DDX60: variants seen among roughly 807,000 people sequenced by gnomAD.
DDX60 encodes the protein DExD/H-box helicase 60.
A neutral mutation model predicts 212.8 loss-of-function variants in DDX60; 165 were observed. That is an observed-to-expected ratio of 0.78 (90% confidence interval 0.68 to 0.88). The LOEUF (loss-of-function observed/expected upper bound fraction) is 0.88. Among genes scored for constraint, DDX60 ranks in the 40% least tolerant of loss-of-function variants. The pLI is 0.00. For missense variants in DDX60, 1,905 were observed against 2,003.9 expected, an observed-to-expected ratio of 0.95 and a Z score of 0.94; for synonymous variants, 703 against 685.3, an observed-to-expected ratio of 1.03 and a Z score of -0.40.
chr4:168,246,681 G>A, intron 29 of DDX60, 63 bp from the exon 30 acceptor site: 3 of 1,542,276 alleles, frequency 1.9e-6, no homozygotes, highest in Non-Finnish European at 2.7e-6. Flanking sequence ...CATAGTGTAA[G>A]AATGAGCCCT....
intron 6 of DDX60, among the ~76,000 whole-genome samples, chr4:168,296,229 T>C (rs545823484): frequency 1.3e-5 from 2 of 152,288 alleles, no homozygotes; most frequent in South Asian, 4.1e-4. Context: ...TGTATACATA[T>C]ATCAAAACAA....
chr4:168,325,975 C>T, the DDX60 span, among the ~76,000 whole-genome samples: 1 of 152,196 alleles, frequency 6.6e-6, no homozygotes, highest in Non-Finnish European at 1.5e-5. Flanking sequence ...CATAGCTGTC[C>T]AGCGGTGACC....
Position 168,298,310 on chromosome 4 carries a change from A to G in DDX60, c.723+3990T>C, listed in dbSNP as rs1174099815. On this transcript the variant is annotated intron_variant, in intron 6 of 37. Transcript: ENST00000393743. Reference sequence around the variant, plus strand: ...GTGAGACTTACCTATAAAAGAAAAAATAATTTCAACTTGCACCACATTCCA... The same window carrying G: ...GTGAGACTTACCTATAAAAGAAAAAGTAATTTCAACTTGCACCACATTCCA... Among the ~76,000 whole-genome samples the G allele has an allele frequency of 3.9e-5, 6 of 152,306 alleles. No individual in the cohort carries two copies. The South Asian group carries it at 8.3e-4, about 21-fold the overall frequency.
rs761382805 is a variant in DDX60 at position 168,237,259 on chromosome 4, C to CAT, written c.4411+25_4411+26dup. ...TTGCTATTTTTGGACTCTCTCTCTACATATATATATAAAATCTCAAGCTTA... is the reference window on the plus strand; with the variant it reads ...TTGCTATTTTTGGACTCTCTCTCTACATATATATATATAAAATCTCAAGCTTA... On this transcript the variant is annotated intron_variant, in intron 32 of 37. Coordinates refer to ENST00000393743, the MANE Select transcript of DDX60 (RefSeq NM_017631.6). 19 of 1,470,080 alleles carry CAT rather than the reference C, an allele frequency of 1.3e-5. 1 individual carries two copies. The highest frequency in any genetic ancestry group is 3.6e-4 in the Middle Eastern group (2 of 5,594). 91.1% of individuals were successfully genotyped at this position (1,470,080 alleles called of 1,614,324 possible). A position where few individuals can be genotyped will look rare whatever the true frequency, so the allele number is the denominator to read the frequency against.
At chr4:168,232,490 C>G (rs1733488877) in intron 33 of DDX60, among the ~76,000 whole-genome samples, 1 of 152,034 alleles carries the variant, frequency 6.6e-6, no homozygotes, top group Non-Finnish European at 1.5e-5. Context: ...ACCAAAACCA[C>G]AAGGTCCTGG....
chr4:168,302,226 C>G (rs1053467113), intron 6 of DDX60, 74 bp downstream of exon 6: 1 of 611,858 alleles, frequency 1.6e-6, no homozygotes, highest in African/African-American at 1.9e-5. Flanking sequence ...CATGAGAACT[C>G]TGTATGATTT....
chr4:168,270,324 C>A (rs1735034627), intron 19 of DDX60, among the ~76,000 whole-genome samples: 2 of 152,220 alleles, frequency 1.3e-5, no homozygotes, highest in African/African-American at 4.8e-5. Flanking sequence ...AAAAGACTTA[C>A]TATCAAAGTC....
intron 26 of DDX60, among the ~76,000 whole-genome samples, chr4:168,253,532 C>A (rs1560829575): frequency 6.6e-6 from 1 of 152,132 alleles, no homozygotes. Flanking sequence ...TGGGAAATAG[C>A]CCACACCCAA....
At chr4:168,285,284 A>C in intron 11 of DDX60, 109 bp downstream of exon 11, 1 of 709,826 alleles carries the variant, frequency 1.4e-6, no homozygotes, top group South Asian at 1.8e-5. Context: ...TATTACAAAC[A>C]CATACTACAT....
intron 33 of DDX60, among the ~76,000 whole-genome samples, chr4:168,229,678 A>G (rs1733378528): frequency 6.6e-6 from 1 of 151,916 alleles, no homozygotes; most frequent in Non-Finnish European, 1.5e-5. Context: ...GCTATTGGGG[A>G]GTGGGGGACA....
At chr4:168,275,273 C>A in intron 16 of DDX60, 72 bp downstream of exon 16, 1 of 1,343,564 alleles carries the variant, frequency 7.4e-7, no homozygotes. Flanking sequence ...TGTACAGCCA[C>A]AATAATGAGA....
At chr4:168,317,197 T>TAC (rs914416442) in intron 1 of DDX60, among the ~76,000 whole-genome samples, 25 of 149,632 alleles carry the variant, frequency 1.7e-4, no homozygotes, top group South Asian at 8.4e-4. Flanking sequence ...TTAGGACACA[T>TAC]ACACACACAC....
Position 168,280,351 on chromosome 4 carries a change from A to G in DDX60, c.1962T>C (p.His654=), listed in dbSNP as rs79108984. ...ATTACATACCTTCTTCACTTCGGCA[A>G]TGTTCTTTCCAGGCTTTCAAGCAAG... ...LTACLKAWKE[H]CRSEEGKTTK... is the part of the protein sequence containing the mutation. Residue 654 remains histidine (H), a synonymous_variant, in exon 14 of 38, where the codon CAT becomes CAC. Transcript: ENST00000393743. The G allele has an allele frequency of 9.6e-3, 15,398 of 1,611,936 alleles. 180 individuals carry two copies. Among genetic ancestry groups the G allele is most frequent in the Admixed American group, 0.033 (1,960 of 59,556 alleles).
At chr4:168,324,567 G>A in the DDX60 span, among the ~76,000 whole-genome samples, 1 of 152,190 alleles carries the variant, frequency 6.6e-6, no homozygotes, top group Non-Finnish European at 1.5e-5. Flanking sequence ...ATTTGTAAAT[G>A]TGGAATATGT....
upstream of DDX60, among the ~76,000 whole-genome samples, chr4:168,319,604 T>C (rs1273893995): frequency 6.6e-6 from 1 of 152,240 alleles, no homozygotes; most frequent in Non-Finnish European, 1.5e-5. Context: ...ATTGATGAAA[T>C]GTTCTCTTAA....
At chr4:168,322,745 A>T (rs774219256), upstream of DDX60, among the ~76,000 whole-genome samples, 1 of 152,232 alleles carries the variant, frequency 6.6e-6, no homozygotes, top group South Asian at 2.1e-4. Flanking sequence ...GAAGTTTGAC[A>T]GCAGTTTATT....
intron 22 of DDX60, among the ~76,000 whole-genome samples, chr4:168,267,317 A>T (rs1734891381): frequency 6.6e-6 from 1 of 152,204 alleles, no homozygotes; most frequent in African/African-American, 2.4e-5. Context: ...CAAAGAAAAC[A>T]TCCGAGAATA....
chr4:168,244,720 A>G (rs911378988), intron 30 of DDX60, among the ~76,000 whole-genome samples: 3 of 151,486 alleles, frequency 2.0e-5, no homozygotes, highest in Non-Finnish European at 4.4e-5. Flanking sequence ...GCAAGACTCT[A>G]TCTCAAAAAA....
At chr4:168,251,314 T>C (rs1327088283) in intron 27 of DDX60, among the ~76,000 whole-genome samples, 1 of 152,250 alleles carries the variant, frequency 6.6e-6, no homozygotes, top group East Asian at 1.9e-4. Context: ...CATCTTAAAC[T>C]GTCTTACTCC....
Sources: allele counts gnomAD v4.1 joint callset (sites outside exome capture counted in the v4.1 genomes callset), GRCh38; gene constraint gnomAD v4.1.1; transcripts MANE v1.5; gene names NCBI Gene and HGNC (gene_info 2026-07-23, HGNC 2026-07-21).